PHACTR2: variants seen among roughly 807,000 people sequenced by gnomAD.
PHACTR2 encodes the protein chromosome 6 open reading frame 56.
In PHACTR2, 30 loss-of-function variants were observed where a neutral mutation model predicts 76.0. The observed-to-expected ratio is 0.39, with a 90% CI of 0.30 to 0.54. PHACTR2 has a LOEUF of 0.54. PHACTR2 is among the 20% of genes least tolerant of loss of function. PHACTR2 has a pLI of 0.61. For missense variants in PHACTR2, 696 were observed against 781.1 expected (o/e 0.89, Z 1.30); for synonymous variants, 292 against 292.5 (o/e 1.00, Z 0.02).
In PHACTR2 at chr6:143,830,349, T is replaced by G. The variant is rs1007326837; in HGVS notation, c.*6660T>G. Reference sequence around the variant, plus strand: ...CGGACTATATGCATTCTTTTGTTATTTCACACTTCAGTTAAAGTGATAACA... The same window carrying G: ...CGGACTATATGCATTCTTTTGTTATGTCACACTTCAGTTAAAGTGATAACA... On this transcript the variant is annotated 3_prime_UTR_variant, in exon 13 of 13. Coordinates refer to ENST00000440869, the MANE Select transcript of PHACTR2 (RefSeq NM_001100164.2). 9 of 152,072 alleles carry G rather than the reference T, an allele frequency of 5.9e-5. No individual in the cohort carries two copies. The highest frequency in any genetic ancestry group is 4.4e-5 in the Non-Finnish European group (3 of 67,996). 9.4% of individuals were successfully genotyped at this position (152,072 alleles called of 1,614,324 possible).
At chr6:143,773,365 C>T (rs1360182726) in intron 7 of PHACTR2, among the ~76,000 whole-genome samples, 1 of 151,780 alleles carries the variant, frequency 6.6e-6, no homozygotes, top group Admixed American at 6.6e-5. Flanking sequence ...TTTGCATCAA[C>T]CTAATATAAC....
At chr6:143,786,246 T>C (rs1317540307) in intron 10 of PHACTR2, among the ~76,000 whole-genome samples, 1 of 152,214 alleles carries the variant, frequency 6.6e-6, no homozygotes, top group African/African-American at 2.4e-5. Flanking sequence ...TCCACGAATC[T>C]CTAGGGCAGG....
Position 143,784,686 on chromosome 6 carries a change from G to T in PHACTR2, c.1707+1406G>T, listed in dbSNP as rs1775512223. On this transcript the variant is annotated intron_variant, in intron 10 of 12. Coordinates refer to ENST00000440869, the MANE Select transcript of PHACTR2 (RefSeq NM_001100164.2). The surrounding 1 kb of genome is among the most constrained non-coding windows in gnomAD (Gnocchi z 4.5). ...TGCTGATAAAGACACACCTGAGACT[G>T]GGAAGAAAAAGAGATTTAATTGGAC... 6.6e-6 allele frequency among the ~76,000 whole-genome samples: 1 copy of T among 152,152 alleles called. No individual in the cohort carries two copies. The highest frequency in any genetic ancestry group is 2.4e-5 in the African/African-American group (1 of 41,444).
chr6:143,731,689 A>G lies in PHACTR2; in HGVS notation c.215-17296A>G, dbSNP rs1395180423. Among the ~76,000 whole-genome samples, 1 of 152,184 alleles carries G rather than the reference A, an allele frequency of 6.6e-6. No homozygotes were observed. Among genetic ancestry groups the G allele is most frequent in the Non-Finnish European group, 1.5e-5 (1 of 68,020 alleles). ...TGGTATTGATCTGTAGTGTTCTTGC[A>G]CTATCTTTGTCTAGGTTTGATATCA... On this transcript the variant is annotated intron_variant, in intron 2 of 12. Transcript: ENST00000440869. This position sits in a 1 kb window ranked among gnomAD's most constrained non-coding sequence, Gnocchi z 4.9.
intron 1 of PHACTR2, among the ~76,000 whole-genome samples, chr6:143,551,497 G>A (rs1051134752): frequency 3.3e-5 from 5 of 152,160 alleles, no homozygotes; most frequent in Non-Finnish European, 5.9e-5. Flanking sequence ...CTCAGTGTCT[G>A]TTGTGCCTTT....
Position 143,564,196 on chromosome 6 carries a change from CATATATAT to C in PHACTR2, c.217+27022_217+27029del, listed in dbSNP as rs59017997. Among the ~76,000 whole-genome samples, 162 of 40,300 alleles carry C rather than the reference CATATATAT, an allele frequency of 4.0e-3. 4 individuals carry two copies. Among genetic ancestry groups the C allele is most frequent in the East Asian group, 0.039 (63 of 1,618 alleles). 26.4% of individuals were successfully genotyped at this position (40,300 alleles called of 152,430 possible). On this transcript the variant is annotated intron_variant, in intron 1 of 11. Coordinates refer to the PHACTR2 transcript ENST00000367584. ...ATGTGTGTGTGTATGTGTGTGTGTG[CATATATAT>C]ATATATATATATATATATATATATA...
rs1164320358 is a variant in PHACTR2 at position 143,782,191 on chromosome 6, A to C, written c.1646-1028A>C. 1.3e-5 allele frequency among the ~76,000 whole-genome samples: 2 copies of C among 152,202 alleles called. No individual in the cohort carries two copies. The stretch of plus-strand genomic sequence containing the variant: ...CGGTGAGCCAAGATCGCGCCACTGC[A>C]CTCTAGCCTGGGTGACAGAGCGAGA... On this transcript the variant is annotated intron_variant, in intron 9 of 12. Transcript: ENST00000440869. The surrounding 1 kb of genome is among the most constrained non-coding windows in gnomAD (Gnocchi z 4.6).
At chr6:143,737,666 G>C (rs1434805877) in intron 2 of PHACTR2, among the ~76,000 whole-genome samples, 3 of 152,200 alleles carry the variant, frequency 2.0e-5, no homozygotes, top group African/African-American at 7.2e-5. Flanking sequence ...AAGTGTTACA[G>C]TTTCAGCTAC....
At chr6:143,544,951 T>C (rs1477811699) in intron 1 of PHACTR2, among the ~76,000 whole-genome samples, 1 of 152,052 alleles carries the variant, frequency 6.6e-6, no homozygotes, top group African/African-American at 2.4e-5. Flanking sequence ...TTTTTGTTTT[T>C]TTTTTTTCTT....
chr6:143,736,502 G>A (rs1271100165), intron 2 of PHACTR2, among the ~76,000 whole-genome samples: 2 of 148,440 alleles, frequency 1.3e-5, no homozygotes, highest in African/African-American at 2.5e-5. Flanking sequence ...GAAAGTAGAG[G>A]AGAAAAAAAC....
chr6:143,563,557 A>AAAAAACC (rs1554287766), intron 1 of PHACTR2, among the ~76,000 whole-genome samples: 2 of 100,344 alleles, frequency 2.0e-5, no homozygotes, highest in Non-Finnish European at 4.0e-5. Flanking sequence ...GTCTCAAAAA[A>AAAAAACC]AAAAAAAAAA....
At chr6:143,759,306 A>G (rs1420358346) in intron 4 of PHACTR2, among the ~76,000 whole-genome samples, 1 of 152,236 alleles carries the variant, frequency 6.6e-6, no homozygotes, top group Non-Finnish European at 1.5e-5. Flanking sequence ...ATTACAAAAT[A>G]GACCTAAGTA....
intron 1 of PHACTR2, among the ~76,000 whole-genome samples, chr6:143,685,404 G>A (rs1168126713): frequency 6.6e-6 from 1 of 151,930 alleles, no homozygotes; most frequent in East Asian, 1.9e-4. Context: ...AAAAAGATAA[G>A]CAACCACATA....
chr6:143,769,038 A>C (rs1018466845), intron 6 of PHACTR2, among the ~76,000 whole-genome samples: 6 of 152,160 alleles, frequency 3.9e-5, no homozygotes, highest in African/African-American at 1.4e-4. Flanking sequence ...TTTCCTTCTG[A>C]GTTATGTTTC....
rs767700850 is a variant in PHACTR2, at chr6:143,571,677, C to G, written c.217+34470C>G. Among the ~76,000 whole-genome samples, 1 of 151,982 alleles carries G rather than the reference C, an allele frequency of 6.6e-6. No individual in the cohort carries two copies. Among genetic ancestry groups the G allele is most frequent in the African/African-American group, 2.4e-5 (1 of 41,358 alleles). ...CCCACATTGTTGTACAATTGGCTAT[C>G]GAGAGTTTGGTACAAGTTTACTCCT... is the stretch of plus-strand genomic sequence containing the variant. On this transcript the variant is annotated intron_variant, in intron 1 of 11. Coordinates refer to the PHACTR2 transcript ENST00000367584. This position sits in a 1 kb window ranked among gnomAD's most constrained non-coding sequence, Gnocchi z 4.6.
In PHACTR2 at chr6:143,587,929, C is replaced by T. The variant is rs574709300; in HGVS notation, c.217+50722C>T. Among the ~76,000 whole-genome samples the T allele has an allele frequency of 2.2e-3, 335 of 152,134 alleles. 1 individual carries two copies. The highest frequency in any genetic ancestry group is 7.6e-3 in the African/African-American group (316 of 41,500). On this transcript the variant is annotated intron_variant, in intron 1 of 11. Coordinates refer to the PHACTR2 transcript ENST00000367584. ...TCAGGAGGCTGAGGCAAAAGAATTG[C>T]TTGAGTTCGGGAAGCAGTGGTTGCA...
intron 2 of PHACTR2, among the ~76,000 whole-genome samples, chr6:143,737,068 A>G (rs959782002): frequency 8.6e-5 from 13 of 151,806 alleles, no homozygotes; most frequent in Admixed American, 2.0e-4. Flanking sequence ...AAAGTATTCT[A>G]TTATATAGAG....
intron 2 of PHACTR2, among the ~76,000 whole-genome samples, chr6:143,747,824 A>C (rs1377423308): frequency 1.3e-5 from 2 of 152,196 alleles, no homozygotes; most frequent in African/African-American, 4.8e-5. Context: ...TGACATGACC[A>C]CATGTTAATT....
intron 1 of PHACTR2, among the ~76,000 whole-genome samples, chr6:143,555,445 G>A (rs751193395): frequency 6.6e-6 from 1 of 152,110 alleles, no homozygotes; most frequent in African/African-American, 2.4e-5. Flanking sequence ...TAAGTTGCAT[G>A]CCTCCAACCC....
Sources: allele counts gnomAD v4.1 joint callset (sites outside exome capture counted in the v4.1 genomes callset), GRCh38; gene constraint gnomAD v4.1.1; non-coding constraint Gnocchi (gnomAD v3.1); transcripts MANE v1.5; gene names NCBI Gene and HGNC (gene_info 2026-07-23, HGNC 2026-07-21).